The following FAM149B1 variants were observed in gnomAD, a reference collection of about 807,000 sequenced individuals.
The protein encoded by FAM149B1 is family with sequence similarity 149 member B1, also known as primary cilium assembly protein FAM149B1.
FAM149B1 carries 56 observed loss-of-function variants against 75.3 expected under a neutral mutation model. That is an observed-to-expected ratio of 0.74 (90% CI 0.60 to 0.93). The LOEUF is 0.93. Among genes scored for constraint, FAM149B1 ranks in the 40% least tolerant of loss-of-function variants. The probability of loss-of-function intolerance (pLI) is 0.00; values close to 1 mark genes in which losing one functional copy is unlikely to be tolerated. For synonymous variants in FAM149B1, 259 were observed against 256.1 expected (o/e 1.01, Z -0.11); for missense variants, 639 against 708.4 (o/e 0.90, Z 1.11).
chr10:73,222,981 G>A lies in FAM149B1; in HGVS notation c.899-5079G>A, dbSNP rs146890256. 7.4e-4 allele frequency among the ~76,000 whole-genome samples: 112 copies of A among 152,292 alleles called. 1 individual carries two copies. The highest frequency in any genetic ancestry group is 2.3e-3 in the African/African-American group (95 of 41,550). The stretch of plus-strand genomic sequence containing the variant: ...AAAAGTAAAAATAATTAGCCAGGGC[G>A]TGGTGGTGCATGCCTGTAGTCCTAG... On this transcript the variant is annotated intron_variant, in intron 7 of 13. Transcript: ENST00000242505.
At chr10:73,209,522 T>A (rs1050467238) in intron 6 of FAM149B1, among the ~76,000 whole-genome samples, 8 of 152,200 alleles carry the variant, frequency 5.3e-5, no homozygotes, top group Non-Finnish European at 1.0e-4. Flanking sequence ...TTGGCACAGA[T>A]TTTATAATTA....
chr10:73,179,593 T>C (rs79119441), intron 3 of FAM149B1, among the ~76,000 whole-genome samples: 1 of 151,352 alleles, frequency 6.6e-6, no homozygotes, highest in Non-Finnish European at 1.5e-5. Flanking sequence ...TTTTTTTTTT[T>C]AAGAGGTAGG....
chr10:73,233,834 G>T (rs2043763732), intron 10 of FAM149B1, among the ~76,000 whole-genome samples: 1 of 152,174 alleles, frequency 6.6e-6, no homozygotes, highest in Non-Finnish European at 1.5e-5. Flanking sequence ...CAAAATAATA[G>T]TTAATTCCCC....
intron 5 of FAM149B1, among the ~76,000 whole-genome samples, chr10:73,195,616 T>C (rs1225075016): frequency 6.6e-6 from 1 of 152,196 alleles, no homozygotes; most frequent in Non-Finnish European, 1.5e-5. Context: ...TTCAAGGAAA[T>C]AAGAAATCAA....
intron 7 of FAM149B1, among the ~76,000 whole-genome samples, chr10:73,226,663 TAAGA>T (rs1337545920): frequency 2.0e-5 from 3 of 152,240 alleles, no homozygotes; most frequent in African/African-American, 4.8e-5. Context: ...TAGTATTGTT[TAAGA>T]AATAAACCAG....
chr10:73,224,236 C>CTCTG, intron 7 of FAM149B1, among the ~76,000 whole-genome samples: 1 of 152,302 alleles, frequency 6.6e-6, no homozygotes, highest in East Asian at 1.9e-4. Flanking sequence ...AACTACTCAA[C>CTCTG]TCTGCCCTTG....
chr10:73,193,503 C>G lies in FAM149B1; in HGVS notation c.452C>G (p.Pro151Arg). The G allele has an allele frequency of 6.5e-7, 1 of 1,549,756 alleles. No homozygotes were observed. The highest frequency in any genetic ancestry group is 8.7e-7 in the Non-Finnish European group (1 of 1,146,590). Residue 151 changes from proline to arginine, a missense_variant, in exon 5 of 14, where the codon CCA (proline) becomes CGA (arginine). Coordinates refer to ENST00000242505, the MANE Select transcript of FAM149B1 (RefSeq NM_173348.2). ...LRILGRQIIT[P>R]SEGYRLYPRS... ...ATTCTAGGTAGGCAGATAATCACTC[C>G]AAGTGAAGGTTATAGATTGTATCCT...
rs934573157 is a variant in FAM149B1 at position 73,242,454 on chromosome 10, A to G, written c.*1435A>G. 2 of 152,208 alleles carry G rather than the reference A, an allele frequency of 1.3e-5. No homozygotes were observed. The highest frequency in any genetic ancestry group is 2.9e-5 in the Non-Finnish European group (2 of 68,036). The allele number at this position is 152,208 out of a possible 1,614,324, so 9.4% of individuals were successfully genotyped here. A position where few individuals can be genotyped will look rare whatever the true frequency, so the allele number is the denominator to read the frequency against. On this transcript the variant is annotated 3_prime_UTR_variant, in exon 14 of 14. Transcript: ENST00000242505. ...GGCCTGTAAGAAGTCATTTAGCCCA[A>G]TTCCCTCACCCTGTGTGTTTTCCCT... is the stretch of plus-strand genomic sequence containing the variant.
Position 73,243,700 on chromosome 10 carries a change from C to T in FAM149B1, c.*2681C>T. 1 of 1,112,156 alleles carries T rather than the reference C, an allele frequency of 9.0e-7. No homozygotes were observed. Among genetic ancestry groups the T allele is most frequent in the East Asian group, 2.5e-5 (1 of 40,118 alleles). The allele number at this position is 1,112,156 out of a possible 1,614,324, so 68.9% of individuals were successfully genotyped here. A position where few individuals can be genotyped will look rare whatever the true frequency, so the allele number is the denominator to read the frequency against. Reference sequence around the variant, plus strand: ...AAAACTTTGTAAATACACTTAAAACCACCAAATTGTACACTTTAAAAGGAC... The same window carrying T: ...AAAACTTTGTAAATACACTTAAAACTACCAAATTGTACACTTTAAAAGGAC... On this transcript the variant is annotated 3_prime_UTR_variant, in exon 14 of 14. Transcript: ENST00000242505.
chr10:73,201,329 C>T (rs1441011534), intron 5 of FAM149B1: 1 of 175,462 alleles, frequency 5.7e-6, no homozygotes, highest in African/African-American at 2.4e-5. Flanking sequence ...TGAATCTTGT[C>T]TCAATTCTCA....
rs535038422 is a variant in FAM149B1 at position 73,235,231 on chromosome 10, G to A, written c.1515G>A (p.Val505=). The part of the protein sequence containing the change: ...HGDSSRAQSA[V]VDEPNYQQPQ... ...ACTCTAGTCGAGCTCAAAGTGCGGT[G>A]GTGGATGAACCTAACTATCAGCAGC... is the stretch of plus-strand genomic sequence containing the variant. The change falls in exon 12 of 14, where the codon GTG becomes GTA. Residue 505 remains valine (V), a synonymous_variant. Transcript: ENST00000242505. 32 of 1,551,724 alleles carry A rather than the reference G, an allele frequency of 2.1e-5. No individual in the cohort carries two copies. The highest frequency in any genetic ancestry group is 1.6e-4 in the African/African-American group (12 of 73,152).
chr10:73,232,977 G>T lies in FAM149B1; in HGVS notation c.1166G>T (p.Ser389Ile). 7.7e-6 allele frequency: 12 copies of T among 1,551,932 alleles called. No individual in the cohort carries two copies. Among genetic ancestry groups the T allele is most frequent in the Non-Finnish European group, 1.0e-5 (12 of 1,146,880 alleles). ...DDKLLMRPGSSTILSTRNWPN... is the reference protein window; with the variant it reads ...DDKLLMRPGSITILSTRNWPN... ...AAGCTACTTATGAGGCCTGGGTCCA[G>T]TACCATCCTTTCAACTCGAAATTGG... is the stretch of plus-strand genomic sequence containing the variant. The change falls in exon 10 of 14, where the codon AGT (serine) becomes ATT (isoleucine). Residue 389 changes from serine to isoleucine, a missense_variant. By Grantham distance (142) the Ser-to-Ile change is moderately radical. Transcript: ENST00000242505.
intron 3 of FAM149B1, 113 bp downstream of exon 3, chr10:73,178,088 A>T: frequency 9.4e-7 from 1 of 1,069,340 alleles, no homozygotes; most frequent in South Asian, 1.8e-5. Context: ...TACATTTATC[A>T]TACTTCATAA....
intron 11 of FAM149B1, 81 bp from the exon 12 acceptor site, chr10:73,235,112 T>C (rs2043793330): frequency 6.8e-7 from 1 of 1,475,526 alleles, no homozygotes; most frequent in Non-Finnish European, 9.2e-7. Flanking sequence ...TTACCATATC[T>C]GCCATGGTCG....
Position 73,228,056 on chromosome 10 carries a change from C to G in FAM149B1, c.899-4C>G. ...TGGATAATATATCCTGTTCCTTTGC[C>G]CAGATGATGAGAGTAATGTTGCAGT... On this transcript the variant is annotated splice_polypyrimidine_tract_variant and splice_region_variant and intron_variant, in intron 7 of 13. Transcript: ENST00000242505. The G allele has an allele frequency of 6.4e-7, 1 of 1,551,482 alleles. No homozygotes were observed. Among genetic ancestry groups the G allele is most frequent in the Non-Finnish European group, 8.7e-7 (1 of 1,146,758 alleles).
At chr10:73,194,596 C>T (rs1416140278) in intron 5 of FAM149B1, among the ~76,000 whole-genome samples, 5 of 151,882 alleles carry the variant, frequency 3.3e-5, no homozygotes, top group African/African-American at 1.2e-4. Context: ...AACTCCTGAC[C>T]TCATGATCCA....
At chr10:73,203,293 A>G (rs1264120487) in intron 5 of FAM149B1, among the ~76,000 whole-genome samples, 2 of 152,146 alleles carry the variant, frequency 1.3e-5, no homozygotes, top group African/African-American at 2.4e-5. Context: ...TGCATTGACT[A>G]TCTTTGGCTG....
chr10:73,168,731 T>C, intron 1 of FAM149B1: 2 of 266,906 alleles, frequency 7.5e-6, no homozygotes, highest in Non-Finnish European at 1.4e-5. Flanking sequence ...TGTGCAAAGC[T>C]ATTTACATAC....
At chr10:73,184,081 C>G (rs949137549) in intron 3 of FAM149B1, among the ~76,000 whole-genome samples, 2 of 152,180 alleles carry the variant, frequency 1.3e-5, no homozygotes, top group African/African-American at 4.8e-5. Flanking sequence ...ACAGGACTGA[C>G]TAAGCTATCT....
Sources: allele counts gnomAD v4.1 joint callset (sites outside exome capture counted in the v4.1 genomes callset), GRCh38; gene constraint gnomAD v4.1.1; transcripts MANE v1.5; gene names NCBI Gene and HGNC (gene_info 2026-07-23, HGNC 2026-07-21).